PDE1A: variants seen among roughly 807,000 people sequenced by gnomAD.
PDE1A encodes phosphodiesterase 1A.
In PDE1A, 35 loss-of-function variants were observed where a neutral mutation model predicts 61.7. The observed-to-expected ratio is 0.57, with a 90% CI of 0.43 to 0.75. The LOEUF (loss-of-function observed/expected upper bound fraction) is 0.75. Among genes scored for constraint, PDE1A ranks in the 30% least tolerant of loss-of-function variants. The probability of loss-of-function intolerance (pLI) is 0.00; values close to 1 mark genes in which losing one functional copy is unlikely to be tolerated. For synonymous variants in PDE1A, 232 were observed against 213.2 expected (o/e 1.09, Z -0.77); for missense variants, 597 against 630.6 (o/e 0.95, Z 0.57).
chr2:182,539,950 A>G, the PDE1A span, among the ~76,000 whole-genome samples: 1 of 152,238 alleles, frequency 6.6e-6, no homozygotes, highest in African/African-American at 2.4e-5. Flanking sequence ...TATTTAGAAG[A>G]AAGCTTTTTA....
intron 6 of PDE1A, among the ~76,000 whole-genome samples, chr2:182,224,962 G>A (rs1242334297): frequency 1.3e-5 from 2 of 151,740 alleles, no homozygotes; most frequent in African/African-American, 4.8e-5. Context: ...CACTCTGAGT[G>A]GTCTTATTCT....
chr2:182,613,315 A>G, the PDE1A span, among the ~76,000 whole-genome samples: 1 of 152,130 alleles, frequency 6.6e-6, no homozygotes. Context: ...TAATCCCCAG[A>G]ACTTTGGGAG....
chr2:182,354,619 A>G (rs1699074014), intron 1 of PDE1A, among the ~76,000 whole-genome samples: 1 of 152,186 alleles, frequency 6.6e-6, no homozygotes, highest in Non-Finnish European at 1.5e-5. Flanking sequence ...TATGGCAACA[A>G]GTGCTTGAGA....
intron 2 of PDE1A, among the ~76,000 whole-genome samples, chr2:182,485,305 G>A (rs1459700037): frequency 6.6e-6 from 1 of 152,014 alleles, no homozygotes; most frequent in African/African-American, 2.4e-5. Context: ...ACAAGTGGGA[G>A]CTAAAAGATA....
chr2:182,665,643 T>C, the PDE1A span, among the ~76,000 whole-genome samples: 1 of 152,208 alleles, frequency 6.6e-6, no homozygotes, highest in Admixed American at 6.5e-5. Context: ...TCAACTATTG[T>C]GTAAGACAGC....
At chr2:182,541,794 T>G in the PDE1A span, among the ~76,000 whole-genome samples, 51 of 152,332 alleles carry the variant, frequency 3.3e-4, no homozygotes, top group South Asian at 0.01. Context: ...GAAAATGTGT[T>G]GTTAGCCATG....
At chr2:182,197,336 T>G (rs1306003299) in intron 10 of PDE1A, among the ~76,000 whole-genome samples, 2 of 150,286 alleles carry the variant, frequency 1.3e-5, no homozygotes, top group African/African-American at 4.9e-5. Flanking sequence ...GTACAAATAT[T>G]TTCTCTCAGT....
At chr2:182,714,880 C>T in the PDE1A span, among the ~76,000 whole-genome samples, 3,574 of 152,180 alleles carry the variant, frequency 0.023, 131 homozygotes, top group African/African-American at 0.083. Context: ...AAAGCATTTA[C>T]CCTATTTGTC....
At chr2:182,561,456 T>C in the PDE1A span, among the ~76,000 whole-genome samples, 2 of 152,230 alleles carry the variant, frequency 1.3e-5, no homozygotes, top group African/African-American at 2.4e-5. Flanking sequence ...TTGGTTACTG[T>C]AGTCTGGTAG....
the PDE1A span, among the ~76,000 whole-genome samples, chr2:182,598,380 T>C: frequency 6.6e-6 from 1 of 152,114 alleles, no homozygotes; most frequent in Non-Finnish European, 1.5e-5. Context: ...AAGACCAGCC[T>C]GGCCAACATG....
At chr2:182,359,375 C>T (rs975808409) in intron 1 of PDE1A, among the ~76,000 whole-genome samples, 3 of 152,060 alleles carry the variant, frequency 2.0e-5, no homozygotes, top group African/African-American at 4.8e-5. Flanking sequence ...TCCCTCCATC[C>T]GATTCTTGAT....
chr2:182,369,976 A>G (rs1700039532), intron 1 of PDE1A, among the ~76,000 whole-genome samples: 1 of 152,024 alleles, frequency 6.6e-6, no homozygotes, highest in Admixed American at 6.6e-5. Context: ...GGAGATCAAG[A>G]CCATCCTGGC....
At chr2:182,709,056 A>G in the PDE1A span, among the ~76,000 whole-genome samples, 1 of 152,144 alleles carries the variant, frequency 6.6e-6, no homozygotes, top group Admixed American at 6.6e-5. Context: ...CAAGTCACTC[A>G]TCAGTCTTCC....
chr2:182,385,536 A>G (rs1207717379), intron 1 of PDE1A, among the ~76,000 whole-genome samples: 3 of 152,024 alleles, frequency 2.0e-5, no homozygotes, highest in Non-Finnish European at 4.4e-5. Flanking sequence ...ATCACAAAGC[A>G]AAAATCTATA....
the PDE1A span, among the ~76,000 whole-genome samples, chr2:182,576,315 A>G: frequency 1.3e-5 from 2 of 152,078 alleles, no homozygotes; most frequent in African/African-American, 2.4e-5. Context: ...GAATGGCACC[A>G]TATTTGTCTT....
the PDE1A span, among the ~76,000 whole-genome samples, chr2:182,643,966 T>C: frequency 1.3e-5 from 2 of 152,150 alleles, no homozygotes; most frequent in South Asian, 2.1e-4. Flanking sequence ...GTTTAGCTTA[T>C]GATGGATGAT....
chr2:182,212,585 G>A (rs908100936), intron 7 of PDE1A, among the ~76,000 whole-genome samples: 6 of 152,242 alleles, frequency 3.9e-5, no homozygotes, highest in South Asian at 2.1e-4. Flanking sequence ...GAAGCAGGGC[G>A]AGGCATTGCC....
the PDE1A span, among the ~76,000 whole-genome samples, chr2:182,658,745 A>G: frequency 6.6e-6 from 1 of 152,240 alleles, no homozygotes. Flanking sequence ...CACAAATAGT[A>G]TAAGTTCTCT....
intron 2 of PDE1A, among the ~76,000 whole-genome samples, chr2:182,454,422 A>C (rs1381768387): frequency 6.6e-6 from 1 of 152,164 alleles, no homozygotes; most frequent in Non-Finnish European, 1.5e-5. Flanking sequence ...AAACTACTTT[A>C]AAGTTCATAT....
Sources: gnomAD v4.1 joint callset for allele counts (sites outside exome capture counted in the v4.1 genomes callset) on GRCh38, gnomAD v4.1.1 for gene constraint, MANE v1.5 for transcripts, NCBI Gene and HGNC (gene_info 2026-07-23, HGNC 2026-07-21) for gene names.